The following PWWP3B variants were observed in gnomAD, a reference collection of about 807,000 sequenced individuals.
PWWP3B encodes PWWP domain containing 3B, also known as PWWP domain-containing DNA repair factor 3B.
PWWP3B carries 5 observed loss-of-function variants against 15.7 expected under a neutral mutation model. The observed-to-expected ratio is 0.32, with a 90% confidence interval of 0.17 to 0.67. PWWP3B has a LOEUF of 0.67. Among genes scored for constraint, PWWP3B ranks in the 30% least tolerant of loss-of-function variants. The pLI is 0.74. For missense variants in PWWP3B, 519 were observed against 493.1 expected (o/e 1.05, Z -0.50); for synonymous variants, 203 against 179.8 (o/e 1.13, Z -1.03).
rs751942576 is a variant in PWWP3B, at chrX:106,206,284, G to A, written c.852G>A (p.Glu284=). The part of the protein sequence containing the change: ...AFSENIEDPG[E]GPSNPCLDTS... ...CAGAGAATATTGAGGATCCTGGAGAGGGTCCCTCAAATCCATGCTTAGATA... is the reference window on the plus strand; with the variant it reads ...CAGAGAATATTGAGGATCCTGGAGAAGGTCCCTCAAATCCATGCTTAGATA... The change falls in exon 4 of 4, where the codon GAG becomes GAA. Residue 284 remains glutamate, a synonymous_variant. Coordinates refer to ENST00000357175, the MANE Select transcript of PWWP3B (RefSeq NM_001171020.2). 5 of 1,204,293 alleles carry A rather than the reference G, an allele frequency of 4.2e-6. No homozygotes were observed. The East Asian group carries it at 1.2e-4, about 29-fold the overall frequency.
At chrX:106,197,937 G>A (rs893452586) in intron 2 of PWWP3B, among the ~76,000 whole-genome samples, 1 of 111,512 alleles carries the variant, frequency 9.0e-6, no homozygotes, top group African/African-American at 3.3e-5. Context: ...TGGTGCTTTT[G>A]AAAAAATATA....
intron 2 of PWWP3B, among the ~76,000 whole-genome samples, chrX:106,176,541 C>G (rs1324642721): frequency 8.9e-6 from 1 of 111,800 alleles, no homozygotes; most frequent in Non-Finnish European, 1.9e-5. Flanking sequence ...TGTGAATTGT[C>G]TATTTATGTC....
intron 2 of PWWP3B, among the ~76,000 whole-genome samples, chrX:106,171,520 G>T (rs1007604219): frequency 9.0e-6 from 1 of 111,601 alleles, no homozygotes; most frequent in African/African-American, 3.3e-5. Context: ...CTTAGAACCT[G>T]CTTAAGGTCT....
At chrX:106,201,966 G>T (rs753253575) in intron 2 of PWWP3B, among the ~76,000 whole-genome samples, 67 of 112,062 alleles carry the variant, frequency 6.0e-4, no homozygotes, top group Non-Finnish European at 1.1e-3. Context: ...GGGAGAAGGG[G>T]TGATCAGATT....
At chrX:106,180,975 G>T (rs916707289) in intron 2 of PWWP3B, among the ~76,000 whole-genome samples, 1 of 111,958 alleles carries the variant, frequency 8.9e-6, no homozygotes, top group Non-Finnish European at 1.9e-5. Context: ...TTTGGAATAC[G>T]TAAAAACTTT....
intron 2 of PWWP3B, among the ~76,000 whole-genome samples, chrX:106,193,549 A>C (rs773309617): frequency 9.0e-6 from 1 of 111,449 alleles, no homozygotes; most frequent in South Asian, 3.8e-4. Flanking sequence ...ATTTAAAGTT[A>C]ATATTGTTAT....
chrX:106,194,703 G>A (rs370885340), intron 2 of PWWP3B, among the ~76,000 whole-genome samples: 5 of 111,228 alleles, frequency 4.5e-5, no homozygotes, highest in African/African-American at 1.3e-4. Context: ...TGATGGTGAC[G>A]TACAGATGGA....
At chrX:106,179,523 C>T (rs1439564219) in intron 2 of PWWP3B, among the ~76,000 whole-genome samples, 3 of 111,915 alleles carry the variant, frequency 2.7e-5, no homozygotes, top group African/African-American at 9.7e-5. Context: ...ACACCTTTTC[C>T]ATTTCGTTGG....
At chrX:106,188,301 A>T (rs1199090633) in intron 2 of PWWP3B, among the ~76,000 whole-genome samples, 2 of 112,267 alleles carry the variant, frequency 1.8e-5, no homozygotes, top group African/African-American at 6.5e-5. Flanking sequence ...TTAATAAAAG[A>T]GATCAAAATA....
At chrX:106,196,226 C>T (rs527509243) in intron 2 of PWWP3B, among the ~76,000 whole-genome samples, 36 of 111,567 alleles carry the variant, frequency 3.2e-4, no homozygotes, top group Admixed American at 7.6e-4. Flanking sequence ...ATCATCTTGT[C>T]TGTAAATGCA....
In PWWP3B at chrX:106,200,326, A is replaced by G. The variant is rs140950668; in HGVS notation, c.-400-3659A>G. Among the ~76,000 whole-genome samples, 99 of 111,207 alleles carry G rather than the reference A, an allele frequency of 8.9e-4. 2 individuals carry two copies. The East Asian group carries it at 0.026, about 29-fold the overall frequency. On this transcript the variant is annotated intron_variant, in intron 2 of 3. Transcript: ENST00000357175. ...TTGAACCTTGACATCAGCAAAATAA[A>G]CTTTTGGGGGATTGAACCTCTGAGA...
chrX:106,179,567 A>G (rs1437985868), intron 2 of PWWP3B, among the ~76,000 whole-genome samples: 1 of 111,421 alleles, frequency 9.0e-6, no homozygotes, highest in East Asian at 2.8e-4. Context: ...GATGCACTTG[A>G]CATGGGAAAT....
chrX:106,173,634 C>T (rs1224429423), intron 2 of PWWP3B, among the ~76,000 whole-genome samples: 5 of 111,882 alleles, frequency 4.5e-5, no homozygotes, highest in South Asian at 3.7e-4. Context: ...CTACAACAGA[C>T]GAGAACCATT....
At chrX:106,203,721 G>C (rs1569366354) in intron 2 of PWWP3B, among the ~76,000 whole-genome samples, 1 of 111,824 alleles carries the variant, frequency 8.9e-6, no homozygotes. Flanking sequence ...CAAGACAATT[G>C]TTACTTCTTT....
intron 2 of PWWP3B, among the ~76,000 whole-genome samples, chrX:106,186,640 G>C (rs1286135986): frequency 9.0e-6 from 1 of 110,816 alleles, no homozygotes; most frequent in African/African-American, 3.3e-5. Context: ...GGGCCTTCAT[G>C]GTGAGTGTTA....
Position 106,206,853 on chromosome X carries a change from G to A in PWWP3B, c.1421G>A (p.Cys474Tyr). 5.0e-6 allele frequency: 6 copies of A among 1,211,575 alleles called. No homozygotes were observed. Among genetic ancestry groups the A allele is most frequent in the Non-Finnish European group, 6.7e-6 (6 of 895,313 alleles). ...ESIDWCISLI[C>Y]DYRVRIGCGS... ...ATTGACTGGTGCATCTCACTAATTT[G>A]TGACTACAGAGTTAGAATAGGTTGT... The change falls in exon 4 of 4, where the codon TGT (cysteine) becomes TAT (tyrosine). Residue 474 changes from cysteine (C) to tyrosine (Y), a missense_variant. By Grantham distance (194) the Cys-to-Tyr change is radical (BLOSUM62 -2). Coordinates refer to ENST00000357175, the MANE Select transcript of PWWP3B (RefSeq NM_001171020.2).
intron 2 of PWWP3B, among the ~76,000 whole-genome samples, chrX:106,175,054 AAAG>A (rs1225849554): frequency 6.5e-5 from 7 of 106,967 alleles, no homozygotes; most frequent in Non-Finnish European, 1.3e-4. Flanking sequence ...AAAAAAAAAA[AAAG>A]AAGAAAAAAG....
chrX:106,193,117 C>A (rs1306358696), intron 2 of PWWP3B, among the ~76,000 whole-genome samples: 1 of 111,200 alleles, frequency 9.0e-6, no homozygotes, highest in African/African-American at 3.3e-5. Context: ...TCTCATTGAT[C>A]TGTCTAATGT....
chrX:106,191,142 G>A (rs1322564447), intron 2 of PWWP3B, among the ~76,000 whole-genome samples: 1 of 110,099 alleles, frequency 9.1e-6, no homozygotes, highest in Non-Finnish European at 1.9e-5. Context: ...GGGCAGTATG[G>A]CCATTTTCAC....
Sources: gnomAD v4.1 joint callset for allele counts (sites outside exome capture counted in the v4.1 genomes callset) on GRCh38, gnomAD v4.1.1 for gene constraint, MANE v1.5 for transcripts, NCBI Gene and HGNC (gene_info 2026-07-23, HGNC 2026-07-21) for gene names.